THADA: variants seen among roughly 807,000 people sequenced by gnomAD.
The protein encoded by THADA is THADA armadillo repeat containing.
In THADA, 213 loss-of-function variants were observed where a neutral mutation model predicts 219.8. The ratio of observed to expected loss-of-function variants is 0.97; its 90% CI spans 0.87 to 1.09. The LOEUF (loss-of-function observed/expected upper bound fraction) is 1.09. Among genes scored for constraint, THADA ranks in the 50% least tolerant of loss-of-function variants. The pLI is 0.00. For missense variants in THADA, 2,956 were observed against 2,311.3 expected (o/e 1.28, Z -5.72); for synonymous variants, 1,018 against 828.9 (o/e 1.23, Z -3.92).
At chr2:43,546,885 T>C (rs1160903878) in intron 20 of THADA, among the ~76,000 whole-genome samples, 1 of 152,176 alleles carries the variant, frequency 6.6e-6, no homozygotes, top group Non-Finnish European at 1.5e-5. Flanking sequence ...AAAGTTAATA[T>C]TGTTATGTGT....
chr2:43,473,467 C>CATCATATAT (rs1685154420), intron 26 of THADA, among the ~76,000 whole-genome samples: 1 of 152,064 alleles, frequency 6.6e-6, no homozygotes, highest in African/African-American at 2.4e-5. Context: ...AAGGACCCGC[C>CATCATATAT]CGAGCCAGTT....
At chr2:43,520,713 T>TATATACAC (rs1218079783) in intron 22 of THADA, among the ~76,000 whole-genome samples, 5 of 125,050 alleles carry the variant, frequency 4.0e-5, no homozygotes, top group African/African-American at 1.5e-4. Flanking sequence ...TATATATATA[T>TATATACAC]ACACACACAC....
At chr2:43,417,500 T>G (rs942457073) in intron 28 of THADA, among the ~76,000 whole-genome samples, 2 of 152,204 alleles carry the variant, frequency 1.3e-5, no homozygotes, top group African/African-American at 4.8e-5. Context: ...CACAACCACT[T>G]AAGCTTTATT....
chr2:43,354,135 T>C (rs1357062105), intron 29 of THADA, among the ~76,000 whole-genome samples: 1 of 151,986 alleles, frequency 6.6e-6, no homozygotes, highest in Non-Finnish European at 1.5e-5. Flanking sequence ...TTTGTATTTT[T>C]AGTAGAGACA....
intron 10 of THADA, among the ~76,000 whole-genome samples, chr2:43,575,445 C>G (rs1699756289): frequency 6.6e-6 from 1 of 152,100 alleles, no homozygotes; most frequent in Non-Finnish European, 1.5e-5. Context: ...GAGACTTTGT[C>G]TCAAAAATAA....
intron 27 of THADA, among the ~76,000 whole-genome samples, chr2:43,429,108 T>TGA (rs34874908): frequency 6.7e-6 from 1 of 149,854 alleles, no homozygotes; most frequent in South Asian, 2.1e-4. Flanking sequence ...TGTGTGTGTG[T>TGA]TTTTTTTTTC....
At chr2:43,509,679 A>ACC (rs765129087) in intron 22 of THADA, among the ~76,000 whole-genome samples, 2 of 152,178 alleles carry the variant, frequency 1.3e-5, no homozygotes, top group Non-Finnish European at 2.9e-5. Flanking sequence ...TGTAAAACAG[A>ACC]TAACTTCAGT....
chr2:43,432,468 T>G (rs1472488932), intron 26 of THADA, among the ~76,000 whole-genome samples: 2 of 152,070 alleles, frequency 1.3e-5, no homozygotes, highest in African/African-American at 4.8e-5. Flanking sequence ...ACCTTTTTTT[T>G]TTTTTTACTA....
At chr2:43,498,712 T>C in intron 25 of THADA, 121 bp downstream of exon 25, 2 of 1,128,000 alleles carry the variant, frequency 1.8e-6, no homozygotes, top group Non-Finnish European at 2.4e-6. Flanking sequence ...TCCAAAGATT[T>C]CTAAGAAAAT....
At chr2:43,413,170 G>A (rs1054860303) in intron 28 of THADA, among the ~76,000 whole-genome samples, 1 of 151,822 alleles carries the variant, frequency 6.6e-6, no homozygotes, top group African/African-American at 2.4e-5. Flanking sequence ...TATGTCATAG[G>A]GCTATTTTCT....
intron 29 of THADA, among the ~76,000 whole-genome samples, chr2:43,348,853 A>G (rs1667937295): frequency 6.6e-6 from 1 of 152,198 alleles, no homozygotes; most frequent in Non-Finnish European, 1.5e-5. Flanking sequence ...GTCGCAAAAA[A>G]GAATTCTTCA....
chr2:43,247,464 G>A lies in THADA; in HGVS notation c.5297-14582C>T, dbSNP rs144236980. Among the ~76,000 whole-genome samples, 492 of 152,274 alleles carry A rather than the reference G, an allele frequency of 3.2e-3. 2 individuals are homozygous for A. Among genetic ancestry groups the A allele is most frequent in the African/African-American group, 0.011 (472 of 41,556 alleles). On this transcript the variant is annotated intron_variant, in intron 36 of 37. Transcript: ENST00000405975. ...TCACTATTAAAGGCTGGGCACGGCC[G>A]GGTGAGGTGGCTCATGCCTGTAATC... is the stretch of plus-strand genomic sequence containing the variant.
At chr2:43,245,248 C>A (rs1342165832) in intron 36 of THADA, among the ~76,000 whole-genome samples, 5 of 137,468 alleles carry the variant, frequency 3.6e-5, no homozygotes, top group Admixed American at 7.6e-5. Flanking sequence ...TCTCGGCTCA[C>A]TGCAACCTCT....
chr2:43,595,332 T>C (rs1414307559), intron 1 of THADA, among the ~76,000 whole-genome samples: 1 of 152,116 alleles, frequency 6.6e-6, no homozygotes, highest in Non-Finnish European at 1.5e-5. Flanking sequence ...GACAACAGAA[T>C]AATTTGTAAA....
chr2:43,588,474 A>G (rs1261158870), intron 4 of THADA, among the ~76,000 whole-genome samples: 1 of 152,160 alleles, frequency 6.6e-6, no homozygotes. Flanking sequence ...GTTAAAGACA[A>G]GTAACAAAGG....
At chr2:43,479,530 A>G (rs1024299149) in intron 26 of THADA, among the ~76,000 whole-genome samples, 7 of 152,234 alleles carry the variant, frequency 4.6e-5, no homozygotes, top group Non-Finnish European at 7.3e-5. Context: ...TAGAGAAATC[A>G]TAAGAATTAT....
chr2:43,291,965 T>C, intron 33 of THADA, 139 bp downstream of exon 33: 2 of 762,422 alleles, frequency 2.6e-6, no homozygotes, highest in Non-Finnish European at 4.2e-6. Flanking sequence ...ATTGCTTGAG[T>C]TTAGAACTCT....
At chr2:43,288,576 C>A (rs955192323) in intron 34 of THADA, among the ~76,000 whole-genome samples, 1 of 152,120 alleles carries the variant, frequency 6.6e-6, no homozygotes, top group African/African-American at 2.4e-5. Flanking sequence ...CCAGAAGGAT[C>A]CCAAGCACAG....
At chr2:43,280,737 C>T (rs1673249052) in intron 35 of THADA, among the ~76,000 whole-genome samples, 1 of 152,238 alleles carries the variant, frequency 6.6e-6, no homozygotes. Flanking sequence ...GGTCCACTAT[C>T]TGACTGCCAT....
Sources: gnomAD v4.1 joint callset for allele counts (sites outside exome capture counted in the v4.1 genomes callset) on GRCh38, gnomAD v4.1.1 for gene constraint, MANE v1.5 for transcripts, NCBI Gene and HGNC (gene_info 2026-07-23, HGNC 2026-07-21) for gene names.